The following AGBL4 variants were observed in gnomAD, a reference collection of about 807,000 sequenced individuals.
AGBL4 encodes cytosolic carboxypeptidase 6.
A neutral mutation model predicts 66.4 loss-of-function variants in AGBL4; 58 were observed. That is an observed-to-expected ratio of 0.87 (90% confidence interval 0.71 to 1.09). AGBL4 has a LOEUF of 1.09. Among genes scored for constraint, AGBL4 ranks in the 50% least tolerant of loss-of-function variants. The probability of loss-of-function intolerance (pLI) is 0.00; values close to 1 mark genes in which losing one functional copy is unlikely to be tolerated. For missense variants in AGBL4, 579 were observed against 631.0 expected (o/e 0.92, Z 0.88); for synonymous variants, 234 against 222.9 (o/e 1.05, Z -0.44).
rs151040077 is a variant in AGBL4 at position 49,583,851 on chromosome 1, G to A, written c.282+113462C>T. Among the ~76,000 whole-genome samples, 57 of 152,124 alleles carry A rather than the reference G, an allele frequency of 3.7e-4. No homozygotes were observed. In the East Asian group the frequency reaches 0.01, roughly 28 times the overall value. On this transcript the variant is annotated intron_variant, in intron 3 of 13. Coordinates refer to ENST00000371839, the MANE Select transcript of AGBL4 (RefSeq NM_032785.4). ...GAAAAATTAACTCCGAATCCTAACCGTAGAGTGGATCAATCTGCCCCAGTT... is the reference window on the plus strand; with the variant it reads ...GAAAAATTAACTCCGAATCCTAACCATAGAGTGGATCAATCTGCCCCAGTT...
intron 11 of AGBL4, among the ~76,000 whole-genome samples, chr1:48,568,278 T>C (rs1459167236): frequency 6.6e-6 from 1 of 152,202 alleles, no homozygotes; most frequent in Non-Finnish European, 1.5e-5. Flanking sequence ...ATCTATTTTT[T>C]TAAACAACAC....
chr1:48,822,802 A>C (rs2148772581), intron 6 of AGBL4, among the ~76,000 whole-genome samples: 1 of 152,296 alleles, frequency 6.6e-6, no homozygotes, highest in South Asian at 2.1e-4. Context: ...ACACACACAC[A>C]TCTTACTGGT....
chr1:49,137,237 C>A (rs542927770), intron 4 of AGBL4, among the ~76,000 whole-genome samples: 2 of 152,272 alleles, frequency 1.3e-5, no homozygotes, highest in African/African-American at 4.8e-5. Flanking sequence ...AGAATTTGAA[C>A]CCTCATCTTC....
chr1:49,807,867 C>T (rs1409692793), intron 2 of AGBL4, among the ~76,000 whole-genome samples: 1 of 152,162 alleles, frequency 6.6e-6, no homozygotes, highest in Non-Finnish European at 1.5e-5. Context: ...ACAAAAGAAG[C>T]CCCAGAGAGC....
At chr1:48,714,238 G>A (rs768150342) in intron 6 of AGBL4, among the ~76,000 whole-genome samples, 6 of 152,078 alleles carry the variant, frequency 3.9e-5, no homozygotes, top group Non-Finnish European at 7.4e-5. Flanking sequence ...TTTGGATGTT[G>A]CTTTCAAAGT....
At chr1:49,311,187 C>T (rs1644935574) in intron 3 of AGBL4, among the ~76,000 whole-genome samples, 1 of 151,968 alleles carries the variant, frequency 6.6e-6, no homozygotes, top group Admixed American at 6.6e-5. Context: ...TTTGTCTGTT[C>T]CTCAAATGGT....
chr1:49,608,512 G>A (rs1159270808), intron 3 of AGBL4, among the ~76,000 whole-genome samples: 1 of 152,128 alleles, frequency 6.6e-6, no homozygotes, highest in African/African-American at 2.4e-5. Flanking sequence ...TTAGCCTGCT[G>A]TGGTACACAA....
intron 2 of AGBL4, among the ~76,000 whole-genome samples, chr1:49,723,277 T>C (rs1648748082): frequency 1.3e-5 from 2 of 152,156 alleles, no homozygotes; most frequent in Admixed American, 1.3e-4. Context: ...TAATTTTGCC[T>C]CAGTTTATTT....
intron 3 of AGBL4, among the ~76,000 whole-genome samples, chr1:49,527,875 C>G (rs1450362649): frequency 6.6e-6 from 1 of 152,108 alleles, no homozygotes; most frequent in African/African-American, 2.4e-5. Flanking sequence ...TTATATAGCA[C>G]TTGGTTATCA....
chr1:49,885,006 GA>G (rs1647867267), intron 1 of AGBL4, among the ~76,000 whole-genome samples: 1 of 151,800 alleles, frequency 6.6e-6, no homozygotes. Flanking sequence ...TGATGGATGT[GA>G]AAAAAGCTCG....
intron 6 of AGBL4, among the ~76,000 whole-genome samples, chr1:48,698,215 C>T (rs1310165706): frequency 1.3e-5 from 2 of 152,150 alleles, no homozygotes; most frequent in African/African-American, 2.4e-5. Context: ...AGGCTTGGGG[C>T]CAGTCCAAGA....
At chr1:49,147,969 G>GGTA (rs1646252683) in intron 4 of AGBL4, among the ~76,000 whole-genome samples, 1 of 152,020 alleles carries the variant, frequency 6.6e-6, no homozygotes, top group Admixed American at 6.6e-5. Context: ...ATCCTCAGAG[G>GGTA]GTACCTGCAA....
intron 3 of AGBL4, among the ~76,000 whole-genome samples, chr1:49,593,947 GA>G (rs1644802846): frequency 6.6e-6 from 1 of 152,082 alleles, no homozygotes; most frequent in Non-Finnish European, 1.5e-5. Flanking sequence ...ACTTGTATAT[GA>G]ATATAATATA....
At chr1:49,995,437 C>T (rs1242207640) in intron 1 of AGBL4, 1 of 379,376 alleles carries the variant, frequency 2.6e-6, no homozygotes, top group East Asian at 7.3e-5. Flanking sequence ...CCCCTGAGAA[C>T]ACAACTCCAC....
intron 1 of AGBL4, among the ~76,000 whole-genome samples, chr1:49,959,370 T>C (rs1365543223): frequency 6.6e-6 from 1 of 152,058 alleles, no homozygotes; most frequent in Non-Finnish European, 1.5e-5. Context: ...TCAAAGACGT[T>C]TCACAATTCA....
At chr1:48,880,479 C>T (rs1336357199) in intron 5 of AGBL4, among the ~76,000 whole-genome samples, 1 of 152,104 alleles carries the variant, frequency 6.6e-6, no homozygotes, top group African/African-American at 2.4e-5. Flanking sequence ...TAGGTAGATA[C>T]CCAGTAGTGG....
At chr1:49,356,182 G>A (rs1644016791) in intron 3 of AGBL4, among the ~76,000 whole-genome samples, 2 of 152,148 alleles carry the variant, frequency 1.3e-5, no homozygotes, top group Admixed American at 1.3e-4. Flanking sequence ...GGGATCAGAA[G>A]AAACCTATCT....
intron 3 of AGBL4, among the ~76,000 whole-genome samples, chr1:49,686,536 T>C (rs1290244593): frequency 6.6e-6 from 1 of 152,228 alleles, no homozygotes; most frequent in Non-Finnish European, 1.5e-5. Flanking sequence ...CTTAAGTGGA[T>C]AAACAAATTG....
chr1:49,576,960 T>C (rs1644449100), intron 3 of AGBL4, among the ~76,000 whole-genome samples: 1 of 152,196 alleles, frequency 6.6e-6, no homozygotes, highest in African/African-American at 2.4e-5. Context: ...GGGCAGAACT[T>C]TGAGCAGTGC....
Sources: gnomAD v4.1 joint callset for allele counts (sites outside exome capture counted in the v4.1 genomes callset) on GRCh38, gnomAD v4.1.1 for gene constraint, MANE v1.5 for transcripts, NCBI Gene and HGNC (gene_info 2026-07-23, HGNC 2026-07-21) for gene names.